Variants in PYGO1 observed in about 807,000 individuals in gnomAD.
The protein encoded by PYGO1 is pygopus homolog 1.
PYGO1 carries 6 observed loss-of-function variants against 29.5 expected under a neutral mutation model. The ratio of observed to expected loss-of-function variants is 0.20; its 90% CI spans 0.11 to 0.40. The LOEUF (loss-of-function observed/expected upper bound fraction) is 0.40, where lower values mean the gene tolerates loss of function less well. PYGO1 is among the 10% of genes least tolerant of loss of function. PYGO1 has a pLI of 1.00. For missense variants in PYGO1, 515 were observed against 514.9 expected (o/e 1.00, Z 0.00); for synonymous variants, 186 against 180.5 (o/e 1.03, Z -0.24).
At chr15:55,560,480 A>G (rs140327683) in intron 1 of PYGO1, among the ~76,000 whole-genome samples, 1,580 of 152,322 alleles carry the variant, frequency 0.01, 9 homozygotes, top group Non-Finnish European at 0.016. Flanking sequence ...AAGAGACGTA[A>G]AGGACCTCTT....
intron 1 of PYGO1, among the ~76,000 whole-genome samples, chr15:55,584,296 T>C (rs1457008961): frequency 6.6e-6 from 1 of 151,914 alleles, no homozygotes; most frequent in East Asian, 1.9e-4. Context: ...TTTTCGTACT[T>C]TTAGTAGAGA....
chr15:55,548,053 G>A (rs28574783), intron 2 of PYGO1, among the ~76,000 whole-genome samples: 46,936 of 151,792 alleles, frequency 0.31, 7,556 homozygotes, highest in South Asian at 0.43. Context: ...AGAGTCTCAC[G>A]CTGTCACCAA....
chr15:55,546,999 T>C lies in PYGO1; in HGVS notation c.284A>G (p.Tyr95Cys). The C allele has an allele frequency of 6.2e-7, 1 of 1,614,030 alleles. No homozygotes were observed. The highest frequency in any genetic ancestry group is 1.1e-5 in the South Asian group (1 of 91,080). Residue 95 changes from tyrosine to cysteine, a missense_variant, in exon 3 of 3, where the codon TAT (tyrosine) becomes TGT (cysteine). By Grantham distance (194) the Tyr-to-Cys change is radical (BLOSUM62 -2). Transcript: ENST00000563719. ...TGTACTATAGCCTCCAAAGCCAGGA[T>C]AACCAGGGCCAAGATATGGATTTGA... The part of the protein sequence containing the change: ...PSSNPYLGPG[Y>C]PGFGGYSTFR...
chr15:55,581,932 C>T (rs574946813), intron 1 of PYGO1, among the ~76,000 whole-genome samples: 3 of 152,074 alleles, frequency 2.0e-5, no homozygotes, highest in Non-Finnish European at 4.4e-5. Flanking sequence ...AGAGGCCGGG[C>T]GCAGTGGCTC....
rs2058840540 is a variant in PYGO1 at position 55,544,369 on chromosome 15, T to C, written c.*1654A>G. On this transcript the variant is annotated 3_prime_UTR_variant, in exon 3 of 3. Transcript: ENST00000563719. ...CAGTTACTTCATCTCGATTGGGGAA[T>C]GCATTGTTTCTTAGAAAAAGCTCCA... is the stretch of plus-strand genomic sequence containing the variant. The C allele has an allele frequency of 6.6e-6, 1 of 152,188 alleles. No individual in the cohort carries two copies. Among genetic ancestry groups the C allele is most frequent in the Admixed American group, 6.5e-5 (1 of 15,274 alleles). 9.4% of individuals were successfully genotyped at this position (152,188 alleles called of 1,614,324 possible).
chr15:55,573,917 C>T (rs2058990519), intron 1 of PYGO1, among the ~76,000 whole-genome samples: 1 of 152,140 alleles, frequency 6.6e-6, no homozygotes, highest in African/African-American at 2.4e-5. Flanking sequence ...ATTTATCATA[C>T]TATATGTTTT....
intron 1 of PYGO1, among the ~76,000 whole-genome samples, chr15:55,568,319 A>ACT (rs2058965562): frequency 2.3e-5 from 1 of 43,034 alleles, no homozygotes; most frequent in Non-Finnish European, 4.3e-5. Context: ...TTTCCTAGGT[A>ACT]CTGTGTGTGT....
chr15:55,572,911 G>A (rs138404417), intron 1 of PYGO1, among the ~76,000 whole-genome samples: 1 of 151,622 alleles, frequency 6.6e-6, no homozygotes, highest in Non-Finnish European at 1.5e-5. Context: ...GGTAGCTAAT[G>A]TCTGTAATCC....
At chr15:55,552,701 T>C (rs1279047731) in intron 1 of PYGO1, among the ~76,000 whole-genome samples, 1 of 152,088 alleles carries the variant, frequency 6.6e-6, no homozygotes, top group Non-Finnish European at 1.5e-5. Flanking sequence ...CACCAGGGCC[T>C]TGGGTCCGAT....
intron 1 of PYGO1, among the ~76,000 whole-genome samples, chr15:55,568,176 T>C (rs2058964987): frequency 1.3e-5 from 2 of 152,238 alleles, no homozygotes; most frequent in Non-Finnish European, 1.5e-5. Flanking sequence ...AGTGTGGCTA[T>C]TTTAATGAGA....
chr15:55,584,535 G>C (rs1437934828), intron 1 of PYGO1, among the ~76,000 whole-genome samples: 1 of 152,192 alleles, frequency 6.6e-6, no homozygotes, highest in Non-Finnish European at 1.5e-5. Context: ...AGGAATACTG[G>C]AGAATGGGAG....
chr15:55,568,146 A>G (rs578232825), intron 1 of PYGO1, among the ~76,000 whole-genome samples: 1 of 152,292 alleles, frequency 6.6e-6, no homozygotes, highest in Non-Finnish European at 1.5e-5. Flanking sequence ...ATAGTGTTCA[A>G]TGTGTAGACT....
chr15:55,585,133 A>C (rs1303110104), intron 1 of PYGO1, among the ~76,000 whole-genome samples: 1 of 152,198 alleles, frequency 6.6e-6, no homozygotes, highest in African/African-American at 2.4e-5. Context: ...AGTTCTACCT[A>C]TAATATTACT....
At chr15:55,556,113 C>G (rs888134187) in intron 1 of PYGO1, among the ~76,000 whole-genome samples, 6 of 152,112 alleles carry the variant, frequency 3.9e-5, no homozygotes, top group African/African-American at 1.4e-4. Flanking sequence ...ACAAAATTAA[C>G]AAAGATATTC....
chr15:55,545,945 T>C lies in PYGO1; in HGVS notation c.*78A>G. The C allele has an allele frequency of 7.1e-7, 1 of 1,408,964 alleles. No individual in the cohort carries two copies. The highest frequency in any genetic ancestry group is 1.5e-5 in the South Asian group (1 of 68,506). 87.3% of individuals were successfully genotyped at this position (1,408,964 alleles called of 1,614,324 possible). On this transcript the variant is annotated 3_prime_UTR_variant, in exon 3 of 3. Coordinates refer to ENST00000563719, the MANE Select transcript of PYGO1 (RefSeq NM_001367806.1). ...TTTGTGTATGCATTTAAAAAAATAATGTAAAACATTAAAATCCTGTGTCAA... is the reference window on the plus strand; with the variant it reads ...TTTGTGTATGCATTTAAAAAAATAACGTAAAACATTAAAATCCTGTGTCAA...
In PYGO1 at chr15:55,543,950, A is replaced by G. The variant is rs1185851923; in HGVS notation, c.*2073T>C. ...CAAGTAAAATGAGATCTTCAAGTAC[A>G]CTACTGAACACCATCAAATGCCTGT... On this transcript the variant is annotated 3_prime_UTR_variant, in exon 3 of 3. Coordinates refer to ENST00000563719, the MANE Select transcript of PYGO1 (RefSeq NM_001367806.1). 1.3e-5 allele frequency: 2 copies of G among 152,208 alleles called. No homozygotes were observed. Among genetic ancestry groups the G allele is most frequent in the South Asian group, 2.1e-4 (1 of 4,832 alleles). 9.4% of individuals were successfully genotyped at this position (152,208 alleles called of 1,614,324 possible).
At chr15:55,570,537 T>G (rs1024733809) in intron 1 of PYGO1, among the ~76,000 whole-genome samples, 6 of 150,066 alleles carry the variant, frequency 4.0e-5, no homozygotes, top group Admixed American at 1.3e-4. Context: ...AAAAAAAAAC[T>G]GAACATATTT....
chr15:55,574,664 G>GTT (rs2085442489), intron 1 of PYGO1, among the ~76,000 whole-genome samples: 1 of 151,354 alleles, frequency 6.6e-6, no homozygotes, highest in Non-Finnish European at 1.5e-5. Context: ...GTGTGTGTGT[G>GTT]TGTGTGTGTA....
chr15:55,571,743 C>G (rs370405162), intron 1 of PYGO1, among the ~76,000 whole-genome samples: 1 of 152,052 alleles, frequency 6.6e-6, no homozygotes, highest in African/African-American at 2.4e-5. Context: ...TTATCAGCAG[C>G]GTGAAAATCA....
Sources: gnomAD v4.1 joint callset for allele counts (sites outside exome capture counted in the v4.1 genomes callset) on GRCh38, gnomAD v4.1.1 for gene constraint, MANE v1.5 for transcripts, NCBI Gene and HGNC (gene_info 2026-07-23, HGNC 2026-07-21) for gene names.